Variants in PCDHA2 observed in about 807,000 individuals in gnomAD.
The protein encoded by PCDHA2 is protocadherin alpha-2.
Under a neutral mutation model 66.0 loss-of-function variants are expected in PCDHA2, and 58 were observed. The observed-to-expected ratio is 0.88, with a 90% CI of 0.71 to 1.09. The LOEUF (loss-of-function observed/expected upper bound fraction) is 1.09. Ranked by LOEUF, PCDHA2 falls within the 50% of genes least tolerant of loss-of-function variation. The probability of loss-of-function intolerance (pLI) is 0.00; values close to 1 mark genes in which losing one functional copy is unlikely to be tolerated. For missense variants in PCDHA2, 1,267 were observed against 1,242.3 expected (o/e 1.02, Z -0.30); for synonymous variants, 634 against 554.0 (o/e 1.14, Z -2.03).
intron 3 of PCDHA2, 155 bp downstream of exon 3, chr5:140,982,718 T>A: frequency 1.1e-6 from 1 of 924,050 alleles, no homozygotes; most frequent in Non-Finnish European, 1.3e-6. Flanking sequence ...CATATATGAT[T>A]ATTTTGATTT....
intron 1 of PCDHA2, chr5:140,929,369 G>A: frequency 6.6e-7 from 1 of 1,515,248 alleles, no homozygotes; most frequent in Admixed American, 2.2e-5. Context: ...CCCGGAGATG[G>A]CTGCTAGCTG....
intron 1 of PCDHA2, among the ~76,000 whole-genome samples, chr5:140,837,794 A>C (rs1554136640): frequency 1.3e-5 from 2 of 151,558 alleles, no homozygotes; most frequent in African/African-American, 4.9e-5. Flanking sequence ...CTCCCATCTC[A>C]GCCTCTGGAG....
chr5:140,850,804 T>G (rs2150498986), intron 1 of PCDHA2: 1 of 1,598,410 alleles, frequency 6.3e-7, no homozygotes, highest in Admixed American at 1.7e-5. Flanking sequence ...ACCGACCTCA[T>G]GGCCTTCAGC....
At chr5:140,978,767 AC>A (rs1167493285) in intron 1 of PCDHA2, among the ~76,000 whole-genome samples, 181 bp from the exon 2 acceptor site, 4 of 152,342 alleles carry the variant, frequency 2.6e-5, no homozygotes, top group South Asian at 2.1e-4. Flanking sequence ...ACCCTGATGA[AC>A]TAATTTTCTT....
At chr5:140,859,014 A>G (rs983768098) in intron 1 of PCDHA2, 1 of 151,370 alleles carries the variant, frequency 6.6e-6, no homozygotes, top group Non-Finnish European at 1.5e-5. Flanking sequence ...AATCTTAGCA[A>G]TTAAGTTAAA....
At chr5:140,927,568 A>T in intron 1 of PCDHA2, 1 of 1,614,174 alleles carries the variant, frequency 6.2e-7, no homozygotes, top group Non-Finnish European at 8.5e-7. Flanking sequence ...TGTGGTGGAC[A>T]CAAATGACAA....
chr5:140,927,342 T>TGAC (rs1554204398), intron 1 of PCDHA2: 2 of 1,614,160 alleles, frequency 1.2e-6, no homozygotes, highest in Admixed American at 3.3e-5. Flanking sequence ...ATGCCCAAGA[T>TGAC]GACGACGAGG....
chr5:140,803,873 T>G, intron 1 of PCDHA2: 1 of 558,602 alleles, frequency 1.8e-6, no homozygotes, highest in South Asian at 2.4e-5. Flanking sequence ...AGACAAATAT[T>G]TTTTCTTAGA....
At chr5:140,987,995 C>T (rs1554249784) in intron 3 of PCDHA2, among the ~76,000 whole-genome samples, 3 of 152,178 alleles carry the variant, frequency 2.0e-5, no homozygotes, top group African/African-American at 7.2e-5. Flanking sequence ...CATCTCTGAT[C>T]CTTCCCCAGA....
At position 141,007,395 on chromosome 5, in the gene PCDHA2, CAAAA is replaced by C. The variant is rs35800918; in HGVS notation, c.2537-2212_2537-2209del. Among the ~76,000 whole-genome samples the C allele has an allele frequency of 1.2e-3, 116 of 94,838 alleles. No homozygotes were observed. In the Middle Eastern group the frequency reaches 0.016, roughly 13 times the overall value. 62.2% of individuals were successfully genotyped at this position (94,838 alleles called of 152,430 possible). ...ATGGAACACCATCTCTACTAAAATA[CAAAA>C]AAAAAAAAAAAAAAAAAAATTAGCC... is the stretch of plus-strand genomic sequence containing the variant. On this transcript the variant is annotated intron_variant, in intron 3 of 3. Coordinates refer to ENST00000526136, the MANE Select transcript of PCDHA2 (RefSeq NM_018905.3).
At chr5:140,929,175 A>G (rs1554206790) in intron 1 of PCDHA2, 2 of 1,614,126 alleles carry the variant, frequency 1.2e-6, no homozygotes, top group East Asian at 4.5e-5. Flanking sequence ...CCTCTCTGGG[A>G]CTTGGTTCTG....
chr5:140,857,674 G>A lies in PCDHA2; in HGVS notation c.2388+60322G>A, dbSNP rs1581464423. 2.5e-6 allele frequency: 4 copies of A among 1,596,892 alleles called. No individual in the cohort carries two copies. In the East Asian group the frequency reaches 6.7e-5, roughly 27 times the overall value. ...TGAGCGCGCGCGATGGGGGCGTGCC[G>A]CCTCTGGGCAGCAACTTGACGCTGC... On this transcript the variant is annotated intron_variant, in intron 1 of 3. Coordinates refer to ENST00000526136, the MANE Select transcript of PCDHA2 (RefSeq NM_018905.3).
intron 1 of PCDHA2, among the ~76,000 whole-genome samples, chr5:140,941,595 A>G (rs1273931279): frequency 6.6e-6 from 1 of 152,016 alleles, no homozygotes; most frequent in Non-Finnish European, 1.5e-5. Context: ...GATTACAGCC[A>G]TGAGCCATGG....
chr5:140,941,202 C>CCTTCCTTTCTTTCTTTCTTTCTTT (rs1554213920), intron 1 of PCDHA2, among the ~76,000 whole-genome samples: 8 of 122,742 alleles, frequency 6.5e-5, no homozygotes, highest in Non-Finnish European at 1.1e-4. Flanking sequence ...TTTCTTTCTT[C>CCTTCCTTTCTTTCTTTCTTTCTTT]CTTTCTTTCT....
chr5:141,009,999 G>A lies in PCDHA2; in HGVS notation c.*62G>A. 1 of 1,575,110 alleles carries A rather than the reference G, an allele frequency of 6.3e-7. No individual in the cohort carries two copies. The highest frequency in any genetic ancestry group is 1.2e-5 in the South Asian group (1 of 82,646). On this transcript the variant is annotated 3_prime_UTR_variant, in exon 4 of 4. Coordinates refer to ENST00000526136, the MANE Select transcript of PCDHA2 (RefSeq NM_018905.3). ...TGTAATAATGGCAAATCTCTCCCAT[G>A]TAGCAATTCCCTGCTCCTTTTTCCT...
intron 3 of PCDHA2, among the ~76,000 whole-genome samples, chr5:140,999,867 C>A (rs1269782566): frequency 1.3e-5 from 2 of 152,190 alleles, no homozygotes; most frequent in African/African-American, 4.8e-5. Context: ...TCCAAGATTA[C>A]TGAAAATTAG....
Position 140,796,378 on chromosome 5 carries a change from T to G in PCDHA2, c.1414T>G (p.Cys472Gly). The change falls in exon 1 of 4, where the codon TGC (cysteine) becomes GGC (glycine). Residue 472 changes from cysteine (C) to glycine (G), a missense_variant. By Grantham distance (159) the Cys-to-Gly change is radical. Transcript: ENST00000526136. ...VFVKENNPPG[C>G]HIFTVSAWDA... is the part of the protein sequence containing the mutation. ...CGTGAAGGAGAACAACCCGCCGGGCTGCCACATCTTCACGGTGTCAGCGTG... is the reference window on the plus strand; with the variant it reads ...CGTGAAGGAGAACAACCCGCCGGGCGGCCACATCTTCACGGTGTCAGCGTG... 6.2e-7 allele frequency: 1 copy of G among 1,613,502 alleles called. No individual in the cohort carries two copies. Among genetic ancestry groups the G allele is most frequent in the Non-Finnish European group, 8.5e-7 (1 of 1,179,868 alleles).
intron 1 of PCDHA2, among the ~76,000 whole-genome samples, chr5:140,941,561 C>T (rs782382112): frequency 2.1e-4 from 32 of 151,880 alleles, no homozygotes; most frequent in Middle Eastern, 3.2e-3. Context: ...GTGATCCATT[C>T]GCCTCAGCCT....
intron 1 of PCDHA2, among the ~76,000 whole-genome samples, chr5:140,942,586 A>C (rs559683622): frequency 1.3e-5 from 2 of 150,518 alleles, no homozygotes; most frequent in African/African-American, 4.9e-5. Context: ...ATAGGATGTC[A>C]CATATAATTA....
Sources: allele counts gnomAD v4.1 joint callset (sites outside exome capture counted in the v4.1 genomes callset), GRCh38; gene constraint gnomAD v4.1.1; transcripts MANE v1.5; gene names NCBI Gene and HGNC (gene_info 2026-07-23, HGNC 2026-07-21).